The following ROBO2 variants were observed in gnomAD, a reference collection of about 807,000 sequenced individuals.
ROBO2 encodes the protein roundabout guidance receptor 2.
In ROBO2, 53 loss-of-function variants were observed where a neutral mutation model predicts 160.8. The observed-to-expected ratio is 0.33, with a 90% CI of 0.26 to 0.41. The LOEUF (loss-of-function observed/expected upper bound fraction) is 0.41. Among genes scored for constraint, ROBO2 ranks in the 10% least tolerant of loss-of-function variants. The pLI is 1.00. For synonymous variants in ROBO2, 664 were observed against 611.7 expected, an observed-to-expected ratio of 1.09 and a Z score of -1.26; for missense variants, 1,577 against 1,722.4, an observed-to-expected ratio of 0.92 and a Z score of 1.49.
In ROBO2 at chr3:76,243,405, T is replaced by A. The variant is rs191344058; in HGVS notation, c.109+305803T>A. 2.0e-5 allele frequency among the ~76,000 whole-genome samples: 3 copies of A among 152,350 alleles called. No homozygotes were observed. The East Asian group carries it at 5.8e-4, about 29-fold the overall frequency. ...TAAGGTCATGTGGTATTTTGTTTTG[T>A]CTTGGTAAAGTATAAGGAAAGAGAA... On this transcript the variant is annotated intron_variant, in intron 2 of 26. Transcript: ENST00000487694.
At chr3:76,069,470 T>C (rs2068371541) in intron 2 of ROBO2, among the ~76,000 whole-genome samples, 3 of 151,984 alleles carry the variant, frequency 2.0e-5, no homozygotes, top group Admixed American at 1.3e-4. Flanking sequence ...GAATATTGCC[T>C]TAGTTTCCTA....
chr3:76,440,597 G>C (rs2076882238), intron 2 of ROBO2, among the ~76,000 whole-genome samples: 1 of 152,052 alleles, frequency 6.6e-6, no homozygotes, highest in South Asian at 2.1e-4. Context: ...ATAAGTCAGG[G>C]GAACAGTGTA....
At chr3:76,941,193 A>G (rs1225072931) in intron 2 of ROBO2, among the ~76,000 whole-genome samples, 2 of 151,926 alleles carry the variant, frequency 1.3e-5, no homozygotes, top group African/African-American at 4.8e-5. Flanking sequence ...TCATCTCCTT[A>G]TTTCAAGACA....
intron 2 of ROBO2, among the ~76,000 whole-genome samples, chr3:76,332,090 GGAATCATA>G (rs1180777391): frequency 6.6e-6 from 1 of 152,132 alleles, no homozygotes; most frequent in Non-Finnish European, 1.5e-5. Context: ...ATAAAAAATA[GGAATCATA>G]GATTGTATAT....
At chr3:76,834,062 T>TTTTCTCTTTCTTTCTTTC (rs2067368338) in intron 2 of ROBO2, among the ~76,000 whole-genome samples, 2 of 88,012 alleles carry the variant, frequency 2.3e-5, no homozygotes, top group African/African-American at 4.5e-5. Flanking sequence ...CCTTTCTTTC[T>TTTTCTCTTTCTTTCTTTC]TTTCTTTCTT....
At chr3:76,073,370 T>G (rs1055704744) in intron 2 of ROBO2, among the ~76,000 whole-genome samples, 2 of 133,260 alleles carry the variant, frequency 1.5e-5, no homozygotes, top group Non-Finnish European at 3.1e-5. Flanking sequence ...CTGGGCTCAC[T>G]GCAAGCTCCC....
chr3:77,081,805 T>G (rs536444661), intron 1 of ROBO2, among the ~76,000 whole-genome samples: 5 of 152,210 alleles, frequency 3.3e-5, no homozygotes, highest in Non-Finnish European at 7.4e-5. Context: ...TGGCTGTTCC[T>G]TATTCAGGCT....
At chr3:76,160,491 T>A (rs146380726) in intron 2 of ROBO2, among the ~76,000 whole-genome samples, 30 of 152,290 alleles carry the variant, frequency 2.0e-4, no homozygotes, top group Admixed American at 5.2e-4. Context: ...ACAAGATGAT[T>A]TTTTCCTCAC....
At chr3:76,637,646 T>G (rs1187371067) in intron 2 of ROBO2, among the ~76,000 whole-genome samples, 1 of 152,180 alleles carries the variant, frequency 6.6e-6, no homozygotes, top group Admixed American at 6.5e-5. Flanking sequence ...CATACACTGT[T>G]TTATATAACT....
In ROBO2 at chr3:76,462,217, G is replaced by T. The variant is rs192381552; in HGVS notation, c.109+524615G>T. Among the ~76,000 whole-genome samples, 9 of 152,216 alleles carry T rather than the reference G, an allele frequency of 5.9e-5. 1 individual carries two copies. In the East Asian group the frequency reaches 1.4e-3, roughly 23 times the overall value. On this transcript the variant is annotated intron_variant, in intron 2 of 26. Coordinates refer to the ROBO2 transcript ENST00000487694. ...TGCAAAAGCATAATAATAAATATTTGCCAAATGTCGATTTTTCATTCTAAC... is the reference window on the plus strand; with the variant it reads ...TGCAAAAGCATAATAATAAATATTTTCCAAATGTCGATTTTTCATTCTAAC...
At chr3:77,385,708 G>A (rs1290038359) in intron 2 of ROBO2, among the ~76,000 whole-genome samples, 2 of 152,130 alleles carry the variant, frequency 1.3e-5, no homozygotes, top group East Asian at 1.9e-4. Context: ...CAAGTGAAAT[G>A]AGACACCTCC....
chr3:76,549,562 G>C (rs957872815), intron 2 of ROBO2, among the ~76,000 whole-genome samples: 2 of 152,164 alleles, frequency 1.3e-5, no homozygotes, highest in Non-Finnish European at 2.9e-5. Context: ...GTAACAAGTA[G>C]AGCAGAAAAT....
At chr3:77,044,306 T>C (rs1020028532) in intron 1 of ROBO2, among the ~76,000 whole-genome samples, 13 of 152,160 alleles carry the variant, frequency 8.5e-5, no homozygotes, top group Non-Finnish European at 1.0e-4. Context: ...TACATAGCAA[T>C]GAAGGGAGCT....
intron 2 of ROBO2, among the ~76,000 whole-genome samples, chr3:76,142,287 A>G (rs1207931998): frequency 6.6e-6 from 1 of 152,012 alleles, no homozygotes; most frequent in African/African-American, 2.4e-5. Flanking sequence ...AAACTGAGCT[A>G]TCATATGATC....
chr3:76,100,891 G>A (rs1192513093), intron 2 of ROBO2, among the ~76,000 whole-genome samples: 2 of 152,146 alleles, frequency 1.3e-5, no homozygotes, highest in Admixed American at 1.3e-4. Flanking sequence ...GATGTACCAA[G>A]TACCTGTTAA....
chr3:76,682,310 A>G lies in ROBO2; in HGVS notation c.110-415704A>G, dbSNP rs147405187. ...TACCTCTCTGGTGCAGGATGTCAGTAGTGGAGGAGGCTGTACATATTGGTG... is the reference window on the plus strand; with the variant it reads ...TACCTCTCTGGTGCAGGATGTCAGTGGTGGAGGAGGCTGTACATATTGGTG... On this transcript the variant is annotated intron_variant, in intron 2 of 26. Coordinates refer to the ROBO2 transcript ENST00000487694. Among the ~76,000 whole-genome samples the G allele has an allele frequency of 1.3e-3, 204 of 152,282 alleles. 1 individual carries two copies. Among genetic ancestry groups the G allele is most frequent in the Non-Finnish European group, 1.9e-3 (131 of 68,012 alleles).
intron 2 of ROBO2, among the ~76,000 whole-genome samples, chr3:76,118,810 A>G (rs1405585574): frequency 2.0e-5 from 3 of 152,198 alleles, no homozygotes; most frequent in African/African-American, 7.2e-5. Flanking sequence ...TAGTGCTACT[A>G]TTATCATGAA....
intron 2 of ROBO2, among the ~76,000 whole-genome samples, chr3:76,335,899 G>C (rs1307677970): frequency 6.6e-6 from 1 of 152,038 alleles, no homozygotes; most frequent in African/African-American, 2.4e-5. Context: ...TTTAATGACT[G>C]CATTCTGCTC....
chr3:77,377,746 T>C lies in ROBO2; in HGVS notation c.389-99668T>C, dbSNP rs539702495. On this transcript the variant is annotated intron_variant, in intron 2 of 25. Coordinates refer to ENST00000461745, the Ensembl canonical transcript of ROBO2. ...TAGATATCTGATTTAGTTGAGTATA[T>C]CCATTTCAAAAGGAAAACCCAGGAC... Among the ~76,000 whole-genome samples the C allele has an allele frequency of 3.3e-5, 5 of 152,322 alleles. No homozygotes were observed. In the East Asian group the frequency reaches 9.6e-4, roughly 29 times the overall value.
Sources: allele counts gnomAD v4.1 joint callset (sites outside exome capture counted in the v4.1 genomes callset), GRCh38; gene constraint gnomAD v4.1.1; transcripts MANE v1.5; gene names NCBI Gene and HGNC (gene_info 2026-07-23, HGNC 2026-07-21).